DOCK7: variants seen among roughly 807,000 people sequenced by gnomAD.
The protein encoded by DOCK7 is dedicator of cytokinesis 7.
In DOCK7, 138 loss-of-function variants were observed where a neutral mutation model predicts 271.0. The ratio of observed to expected loss-of-function variants is 0.51; its 90% CI spans 0.44 to 0.59. The LOEUF (loss-of-function observed/expected upper bound fraction) is 0.59. Among genes scored for constraint, DOCK7 ranks in the 20% least tolerant of loss-of-function variants. The probability of loss-of-function intolerance (pLI) is 0.00; values close to 1 mark genes in which losing one functional copy is unlikely to be tolerated. For missense variants in DOCK7, 2,066 were observed against 2,592.4 expected (o/e 0.80, Z 4.41); for synonymous variants, 823 against 876.1 (o/e 0.94, Z 1.07).
chr1:62,613,536 A>G (rs1300557873), intron 14 of DOCK7, among the ~76,000 whole-genome samples: 1 of 152,208 alleles, frequency 6.6e-6, no homozygotes, highest in Non-Finnish European at 1.5e-5. Flanking sequence ...CTTCAAAAGA[A>G]TATTTTTTAA....
chr1:62,686,805 G>C (rs1320650144), intron 1 of DOCK7, among the ~76,000 whole-genome samples: 2 of 151,970 alleles, frequency 1.3e-5, no homozygotes, highest in South Asian at 2.1e-4. Context: ...CGGGGTCTGA[G>C]AGTAGAGCCC....
chr1:62,574,507 T>A (rs557171614), intron 18 of DOCK7, among the ~76,000 whole-genome samples: 90 of 152,234 alleles, frequency 5.9e-4, no homozygotes, highest in Non-Finnish European at 1.1e-3. Flanking sequence ...GAGGAATTAA[T>A]AGAAGAAGAC....
At chr1:62,509,231 T>C (rs1644409722) in intron 34 of DOCK7, among the ~76,000 whole-genome samples, 1 of 142,320 alleles carries the variant, frequency 7.0e-6, no homozygotes, top group Non-Finnish European at 1.5e-5. Context: ...GAGGCTCACC[T>C]AAGCCCAGGA....
chr1:62,560,748 T>C (rs373084733), intron 19 of DOCK7, among the ~76,000 whole-genome samples: 2 of 152,178 alleles, frequency 1.3e-5, no homozygotes, highest in East Asian at 3.9e-4. Context: ...AGTAAATGGC[T>C]ACTTATAAAT....
chr1:62,513,963 C>G (rs1644581354), intron 31 of DOCK7, 65 bp from the exon 32 acceptor site: 77 of 1,428,224 alleles, frequency 5.4e-5, no homozygotes, highest in Non-Finnish European at 7.1e-5. Flanking sequence ...TTTTGGCTAT[C>G]AACTGTTTTC....
At chr1:62,503,599 C>T (rs1181722279) in intron 37 of DOCK7, among the ~76,000 whole-genome samples, 2 of 151,858 alleles carry the variant, frequency 1.3e-5, no homozygotes, top group Non-Finnish European at 2.9e-5. Flanking sequence ...CCACCAAGCC[C>T]GGCTAGTATT....
At chr1:62,590,407 C>T (rs756698568) in intron 14 of DOCK7, among the ~76,000 whole-genome samples, 35 of 152,070 alleles carry the variant, frequency 2.3e-4, no homozygotes, top group Non-Finnish European at 3.4e-4. Flanking sequence ...ATTCCTGAGG[C>T]GATGGTGGGA....
intron 41 of DOCK7, among the ~76,000 whole-genome samples, chr1:62,491,557 G>T (rs1224794065): frequency 6.6e-6 from 1 of 152,204 alleles, no homozygotes; most frequent in Non-Finnish European, 1.5e-5. Flanking sequence ...TGACAGCATA[G>T]TCAGGTAAAG....
intron 1 of DOCK7, among the ~76,000 whole-genome samples, chr1:62,667,673 C>T (rs2016736): frequency 0.036 from 5,532 of 151,982 alleles, 247 homozygotes; most frequent in African/African-American, 0.11. Context: ...GCCTAGATCA[C>T]GTGACTGCAC....
intron 1 of DOCK7, among the ~76,000 whole-genome samples, chr1:62,681,613 T>C (rs563055701): frequency 3.0e-4 from 45 of 150,532 alleles, no homozygotes; most frequent in Non-Finnish European, 5.5e-4. Flanking sequence ...AGGGTGGCTA[T>C]ACCCTAGAGA....
chr1:62,584,930 A>G, intron 15 of DOCK7: 1 of 684,690 alleles, frequency 1.5e-6, no homozygotes, highest in Non-Finnish European at 2.7e-6. Flanking sequence ...TGTTAGGTAA[A>G]CAATAAAAAA....
chr1:62,595,432 A>C (rs1412907520), intron 14 of DOCK7, among the ~76,000 whole-genome samples: 1 of 152,194 alleles, frequency 6.6e-6, no homozygotes, highest in African/African-American at 2.4e-5. Context: ...AGGGGTTCAG[A>C]GATGTGAAGT....
intron 1 of DOCK7, among the ~76,000 whole-genome samples, chr1:62,678,607 A>G (rs749971909): frequency 6.6e-5 from 10 of 152,176 alleles, no homozygotes; most frequent in Non-Finnish European, 1.3e-4. Context: ...ATCCCAATCA[A>G]ATTCTATGAG....
intron 1 of DOCK7, among the ~76,000 whole-genome samples, chr1:62,682,682 A>T (rs1466939288): frequency 1.3e-5 from 2 of 152,230 alleles, no homozygotes; most frequent in African/African-American, 4.8e-5. Flanking sequence ...TGAGGAAGAG[A>T]ATAAGCAGGA....
chr1:62,492,479 T>C (rs1157952094), intron 41 of DOCK7: 1 of 446,632 alleles, frequency 2.2e-6, no homozygotes, highest in East Asian at 4.7e-5. Flanking sequence ...GTAGAGACGG[T>C]ATCTCACTAT....
At chr1:62,529,516 C>A in intron 29 of DOCK7, 70 bp from the exon 30 acceptor site, 1 of 1,246,550 alleles carries the variant, frequency 8.0e-7, no homozygotes, top group Non-Finnish European at 1.1e-6. Flanking sequence ...ATCTTTAAAA[C>A]AAACAGTAAG....
intron 48 of DOCK7, among the ~76,000 whole-genome samples, chr1:62,468,460 C>T (rs1478044185): frequency 6.6e-6 from 1 of 151,116 alleles, no homozygotes; most frequent in African/African-American, 2.4e-5. Context: ...CAACATAATA[C>T]TGAATGGGGA....
At chr1:62,604,130 A>G in intron 14 of DOCK7, 3 of 1,613,430 alleles carry the variant, frequency 1.9e-6, no homozygotes, top group Non-Finnish European at 2.5e-6. Context: ...TCTAGTTGCG[A>G]TTACTGGCAA....
intron 1 of DOCK7, 32 bp downstream of exon 1, chr1:62,688,195 C>A: frequency 7.3e-7 from 1 of 1,362,246 alleles, no homozygotes; most frequent in African/African-American, 1.5e-5. Context: ...TCTCGGGCGG[C>A]GGCGGCGGCG....
Sources: gnomAD v4.1 joint callset for allele counts (sites outside exome capture counted in the v4.1 genomes callset) on GRCh38, gnomAD v4.1.1 for gene constraint, MANE v1.5 for transcripts, NCBI Gene and HGNC (gene_info 2026-07-23, HGNC 2026-07-21) for gene names.